The following MYRIP variants were observed in gnomAD, a reference collection of about 807,000 sequenced individuals.
The protein encoded by MYRIP is myosin VIIA and Rab interacting protein, also known as rab effector MyRIP.
A neutral mutation model predicts 98.0 loss-of-function variants in MYRIP; 49 were observed. The ratio of observed to expected loss-of-function variants is 0.50; its 90% CI spans 0.40 to 0.63. The LOEUF (loss-of-function observed/expected upper bound fraction) is 0.63, where lower values mean the gene tolerates loss of function less well. Among genes scored for constraint, MYRIP ranks in the 30% least tolerant of loss-of-function variants. The probability of loss-of-function intolerance (pLI) is 0.00; values close to 1 mark genes in which losing one functional copy is unlikely to be tolerated. For synonymous variants in MYRIP, 404 were observed against 409.5 expected (o/e 0.99, Z 0.16); for missense variants, 1,004 against 1,058.2 (o/e 0.95, Z 0.71).
At chr3:39,825,769 T>C (rs1221393075) in intron 1 of MYRIP, among the ~76,000 whole-genome samples, 4 of 152,210 alleles carry the variant, frequency 2.6e-5, no homozygotes, top group Admixed American at 1.3e-4. Context: ...AACTATTCTT[T>C]AACAGTTTGG....
At chr3:39,910,087 C>T (rs1943982211) in intron 2 of MYRIP, among the ~76,000 whole-genome samples, 1 of 152,080 alleles carries the variant, frequency 6.6e-6, no homozygotes, top group Non-Finnish European at 1.5e-5. Context: ...GATGGGATTT[C>T]ATCATGTTGG....
Position 40,181,658 on chromosome 3 carries a change from CAT to C in MYRIP, c.874-550_874-549del, listed in dbSNP as rs886920775. ...ACAACATTTGAGCTTCACAATACAA[CAT>C]ATATATATATAATGCATTATATATC... On this transcript the variant is annotated intron_variant, in intron 8 of 16. Coordinates refer to ENST00000302541, the MANE Select transcript of MYRIP (RefSeq NM_015460.4). Among the ~76,000 whole-genome samples, 30 of 151,774 alleles carry C rather than the reference CAT, an allele frequency of 2.0e-4. No individual in the cohort carries two copies. The Middle Eastern group carries it at 0.01, about 53-fold the overall frequency.
chr3:39,854,440 T>C (rs6784099), intron 1 of MYRIP, among the ~76,000 whole-genome samples: 6,087 of 152,196 alleles, frequency 0.04, 297 homozygotes, highest in East Asian at 0.13. Context: ...ATTGTTGACA[T>C]TTTTCAGTGC....
At position 40,044,105 on chromosome 3, in the gene MYRIP, C is replaced by T. The variant is rs973231349; in HGVS notation, c.166C>T (p.His56Tyr). Residue 56 changes from histidine (H) to tyrosine (Y), a missense_variant, in exon 3 of 17, where the codon CAC (histidine) becomes TAC (tyrosine). Around this residue, in one of 3 missense-constraint regions of MYRIP, gnomAD observed 880 missense variants for 907.7 expected, o/e 0.97. Coordinates refer to ENST00000302541, the MANE Select transcript of MYRIP (RefSeq NM_015460.4). Reference sequence around the variant, plus strand: ...CAGCAAGTGCAGCATCCTCTCGAAGCACCAGCAGTTTGTGGAGCACTGCTG... The same window carrying T: ...CAGCAAGTGCAGCATCCTCTCGAAGTACCAGCAGTTTGTGGAGCACTGCTG... ...EGSKCSILSK[H>Y]QQFVEHCCMR... 23 of 1,614,030 alleles carry T rather than the reference C, an allele frequency of 1.4e-5. No individual in the cohort carries two copies. Among genetic ancestry groups the T allele is most frequent in the East Asian group, 2.2e-5 (1 of 44,850 alleles).
At chr3:39,958,421 A>G (rs1417360074) in intron 2 of MYRIP, among the ~76,000 whole-genome samples, 1 of 152,194 alleles carries the variant, frequency 6.6e-6, no homozygotes, top group Non-Finnish European at 1.5e-5. Flanking sequence ...AAAAACAAGC[A>G]ATGGGGAAAG....
At chr3:40,109,880 C>T (rs1336500066) in intron 3 of MYRIP, among the ~76,000 whole-genome samples, 1 of 152,244 alleles carries the variant, frequency 6.6e-6, no homozygotes, top group East Asian at 1.9e-4. Flanking sequence ...CACCCTACTA[C>T]AAGGAGGTAG....
chr3:40,024,811 C>T (rs567829929), intron 2 of MYRIP, among the ~76,000 whole-genome samples: 21 of 152,230 alleles, frequency 1.4e-4, no homozygotes, highest in African/African-American at 5.1e-4. Flanking sequence ...GGCTATTGGC[C>T]AAATATTCCA....
chr3:39,895,777 T>G (rs1394414089), intron 1 of MYRIP, among the ~76,000 whole-genome samples: 1 of 152,106 alleles, frequency 6.6e-6, no homozygotes, highest in Non-Finnish European at 1.5e-5. Flanking sequence ...TCAGACAGTT[T>G]TGAAAAATAA....
intron 1 of MYRIP, among the ~76,000 whole-genome samples, chr3:39,831,180 C>T (rs1941434055): frequency 6.6e-6 from 1 of 152,138 alleles, no homozygotes; most frequent in South Asian, 2.1e-4. Flanking sequence ...TGCCCCAGGA[C>T]TCAGGCTTTA....
chr3:39,898,041 G>C (rs1943656165), intron 1 of MYRIP, among the ~76,000 whole-genome samples: 1 of 152,094 alleles, frequency 6.6e-6, no homozygotes. Flanking sequence ...TGCATTTTCA[G>C]TGGGCCCTCT....
chr3:39,945,708 G>A (rs716463), intron 2 of MYRIP, among the ~76,000 whole-genome samples: 28,940 of 151,828 alleles, frequency 0.19, 4,022 homozygotes, highest in African/African-American at 0.39. Context: ...GAGATCGCAG[G>A]TTAAAGGAAA....
intron 3 of MYRIP, among the ~76,000 whole-genome samples, chr3:40,125,856 T>C (rs2125914423): frequency 6.6e-6 from 1 of 152,318 alleles, no homozygotes; most frequent in Admixed American, 6.5e-5. Context: ...TTGTCATGTA[T>C]CAACTGAACA....
chr3:39,980,183 C>T (rs1198984668), intron 2 of MYRIP, among the ~76,000 whole-genome samples: 1 of 152,134 alleles, frequency 6.6e-6, no homozygotes, highest in Admixed American at 6.6e-5. Context: ...GTGTCCGAAT[C>T]TGAGGCAGGG....
chr3:40,142,372 G>A (rs987112533), intron 3 of MYRIP, among the ~76,000 whole-genome samples: 2 of 151,970 alleles, frequency 1.3e-5, no homozygotes, highest in African/African-American at 4.8e-5. Flanking sequence ...TTTTTCAAAA[G>A]CTTTGGTATT....
intron 2 of MYRIP, among the ~76,000 whole-genome samples, chr3:39,915,758 CAAA>C (rs10595634): frequency 4.9e-5 from 7 of 144,106 alleles, no homozygotes; most frequent in South Asian, 2.2e-4. Context: ...AATGCCAGGC[CAAA>C]AAAAAAAAAT....
chr3:40,075,160 G>T (rs1948318338), intron 3 of MYRIP, among the ~76,000 whole-genome samples: 1 of 152,106 alleles, frequency 6.6e-6, no homozygotes, highest in Non-Finnish European at 1.5e-5. Flanking sequence ...GGGAAAACAG[G>T]CAATCTATCA....
chr3:40,157,961 T>A (rs376807116), intron 4 of MYRIP, among the ~76,000 whole-genome samples: 1 of 152,122 alleles, frequency 6.6e-6, no homozygotes, highest in African/African-American at 2.4e-5. Flanking sequence ...TGGATTCATT[T>A]ATTTTTTGAA....
chr3:39,953,868 T>C (rs1410247887), intron 2 of MYRIP, among the ~76,000 whole-genome samples: 1 of 152,192 alleles, frequency 6.6e-6, no homozygotes, highest in Non-Finnish European at 1.5e-5. Flanking sequence ...TTATATCCCA[T>C]GCCTGACTCA....
chr3:40,184,748 T>C (rs538652171), intron 9 of MYRIP, among the ~76,000 whole-genome samples: 1 of 152,214 alleles, frequency 6.6e-6, no homozygotes, highest in African/African-American at 2.4e-5. Flanking sequence ...AATTTTGTTT[T>C]CAAAACATGA....
Sources: allele counts gnomAD v4.1 joint callset (sites outside exome capture counted in the v4.1 genomes callset), GRCh38; gene constraint gnomAD v4.1.1; regional missense constraint gnomAD v4.1.1; transcripts MANE v1.5; gene names NCBI Gene and HGNC (gene_info 2026-07-23, HGNC 2026-07-21).